The following IHO1 variants were observed in gnomAD, a reference collection of about 807,000 sequenced individuals.
The protein encoded by IHO1 is interactor of HORMAD1 1.
Under a neutral mutation model 31.0 loss-of-function variants are expected in IHO1, and 13 were observed. That is an observed-to-expected ratio of 0.42 (90% CI 0.27 to 0.67). The LOEUF (loss-of-function observed/expected upper bound fraction) is 0.67, where lower values mean the gene tolerates loss of function less well. IHO1 is among the 30% of genes least tolerant of loss of function. The pLI is 0.24. For synonymous variants in IHO1, 221 were observed against 248.4 expected (o/e 0.89, Z 1.04); for missense variants, 599 against 687.5 (o/e 0.87, Z 1.44).
At chr3:49,253,347 C>G (rs1322066035) in intron 6 of IHO1, among the ~76,000 whole-genome samples, 1 of 151,872 alleles carries the variant, frequency 6.6e-6, no homozygotes, top group East Asian at 1.9e-4. Flanking sequence ...ACTGCTTGAA[C>G]TCAGGCGGCA....
intron 2 of IHO1, among the ~76,000 whole-genome samples, chr3:49,232,929 G>A (rs2046500886): frequency 6.6e-6 from 1 of 152,104 alleles, no homozygotes; most frequent in African/African-American, 2.4e-5. Context: ...CATGCTTTCT[G>A]GTCTCAGTAT....
In IHO1 at chr3:49,258,019, C is replaced by T. The variant is rs1363754832; in HGVS notation, c.*737C>T. 1 of 152,168 alleles carries T rather than the reference C, an allele frequency of 6.6e-6. No homozygotes were observed. Among genetic ancestry groups the T allele is most frequent in the Non-Finnish European group, 1.5e-5 (1 of 68,028 alleles). 9.4% of individuals were successfully genotyped at this position (152,168 alleles called of 1,614,324 possible). On this transcript the variant is annotated 3_prime_UTR_variant, in exon 8 of 8. Coordinates refer to ENST00000452691, the MANE Select transcript of IHO1 (RefSeq NM_001135197.2). ...GCAGTGGGCTTATATGGGACTTTGG[C>T]TTTCCATTTTTATCTTGCTGAAGTT...
At chr3:49,196,261 G>A (rs2045995562), upstream of IHO1, among the ~76,000 whole-genome samples, 2 of 149,188 alleles carry the variant, frequency 1.3e-5, no homozygotes, top group African/African-American at 4.9e-5. Flanking sequence ...CTGGGGAGGG[G>A]AGCAAGGGGA....
intron 1 of IHO1, among the ~76,000 whole-genome samples, chr3:49,201,573 A>G (rs1328206727): frequency 6.6e-6 from 1 of 152,102 alleles, no homozygotes; most frequent in African/African-American, 2.4e-5. Flanking sequence ...CAGTGAGCCA[A>G]GATCGCGCCA....
chr3:49,208,964 G>C (rs995016760), intron 1 of IHO1, among the ~76,000 whole-genome samples: 1 of 152,198 alleles, frequency 6.6e-6, no homozygotes, highest in Admixed American at 6.5e-5. Context: ...GGGTTGAACA[G>C]TCATGACTGA....
intron 3 of IHO1, among the ~76,000 whole-genome samples, chr3:49,239,940 C>T (rs956892982): frequency 1.3e-5 from 2 of 152,188 alleles, no homozygotes; most frequent in Non-Finnish European, 2.9e-5. Flanking sequence ...GGATTATAGG[C>T]GTAAGCCACT....
the IHO1 span, chr3:49,191,623 C>A: frequency 9.1e-7 from 1 of 1,094,954 alleles, no homozygotes; most frequent in Non-Finnish European, 1.4e-6. Flanking sequence ...GTGGGCGGCT[C>A]AGGGTCCTAT....
intron 2 of IHO1, among the ~76,000 whole-genome samples, chr3:49,231,254 C>T (rs1169951380): frequency 6.6e-6 from 1 of 152,206 alleles, no homozygotes; most frequent in Admixed American, 6.5e-5. Context: ...TATAAATAGT[C>T]TTACTTGGCA....
chr3:49,247,240 G>GT (rs1331318575), intron 6 of IHO1, among the ~76,000 whole-genome samples: 2 of 148,934 alleles, frequency 1.3e-5, no homozygotes, highest in African/African-American at 4.9e-5. Context: ...TTTTGTTTTT[G>GT]TTTTTTTGAG....
upstream of IHO1, among the ~76,000 whole-genome samples, chr3:49,196,228 CAAAA>C (rs1210658279): frequency 4.6e-5 from 2 of 43,648 alleles, no homozygotes; most frequent in African/African-American, 1.4e-4. Flanking sequence ...GACTCCGTCA[CAAAA>C]AAAAAAAAAA....
At chr3:49,218,987 C>G (rs2046320230) in intron 2 of IHO1, among the ~76,000 whole-genome samples, 1 of 152,132 alleles carries the variant, frequency 6.6e-6, no homozygotes, top group Non-Finnish European at 1.5e-5. Context: ...GCATTCCAGC[C>G]TGGGTGACAG....
chr3:49,206,788 T>G (rs900269682), intron 1 of IHO1, among the ~76,000 whole-genome samples: 3 of 151,968 alleles, frequency 2.0e-5, no homozygotes, highest in African/African-American at 7.2e-5. Context: ...ATCTCAGCAC[T>G]TTGGGAGGCC....
intron 4 of IHO1, among the ~76,000 whole-genome samples, chr3:49,243,137 G>C (rs2107728876): frequency 6.6e-6 from 1 of 151,762 alleles, no homozygotes. Flanking sequence ...TGAATTCTTT[G>C]GCTTTTGTTT....
chr3:49,242,655 T>C (rs2046644730), intron 4 of IHO1, among the ~76,000 whole-genome samples: 1 of 152,046 alleles, frequency 6.6e-6, no homozygotes. Flanking sequence ...TAGAATAGAA[T>C]GTGGCCAGGC....
chr3:49,205,764 C>T (rs1157490927), intron 1 of IHO1, among the ~76,000 whole-genome samples: 2 of 110,784 alleles, frequency 1.8e-5, no homozygotes, highest in Non-Finnish European at 3.6e-5. Flanking sequence ...TGCGCCTGGG[C>T]AATTTTTTTT....
intron 6 of IHO1, among the ~76,000 whole-genome samples, chr3:49,254,572 G>C (rs556622578): frequency 2.0e-5 from 3 of 152,030 alleles, no homozygotes; most frequent in Admixed American, 6.6e-5. Context: ...GATTGGTTGC[G>C]GGGGGCGGGG....
intron 2 of IHO1, among the ~76,000 whole-genome samples, chr3:49,232,892 A>G (rs924180852): frequency 6.6e-6 from 1 of 152,198 alleles, no homozygotes; most frequent in Admixed American, 6.5e-5. Flanking sequence ...TAACGCCTGG[A>G]TGTAATGACT....
At chr3:49,238,455 T>C (rs2046587211) in intron 3 of IHO1, among the ~76,000 whole-genome samples, 1 of 152,134 alleles carries the variant, frequency 6.6e-6, no homozygotes, top group Non-Finnish European at 1.5e-5. Context: ...TCCAAAAGGC[T>C]GAGACCTGAA....
intron 6 of IHO1, among the ~76,000 whole-genome samples, chr3:49,253,985 C>T (rs2046794438): frequency 1.3e-5 from 2 of 151,926 alleles, no homozygotes; most frequent in East Asian, 1.9e-4. Context: ...AGGCACCCGC[C>T]GCCACGCCTG....
Sources: gnomAD v4.1 joint callset for allele counts (sites outside exome capture counted in the v4.1 genomes callset) on GRCh38, gnomAD v4.1.1 for gene constraint, MANE v1.5 for transcripts, NCBI Gene and HGNC (gene_info 2026-07-23, HGNC 2026-07-21) for gene names.